The following USP20 variants were observed in gnomAD, a reference collection of about 807,000 sequenced individuals.
The protein encoded by USP20 is ubiquitin carboxyl-terminal hydrolase 20.
Under a neutral mutation model 124.2 loss-of-function variants are expected in USP20, and 80 were observed. The ratio of observed to expected loss-of-function variants is 0.64; its 90% CI spans 0.54 to 0.78. USP20 has a LOEUF of 0.78. USP20 is among the 30% of genes least tolerant of loss of function. The pLI is 0.00. For missense variants in USP20, 1,043 were observed against 1,244.4 expected (o/e 0.84, Z 2.44); for synonymous variants, 481 against 512.3 (o/e 0.94, Z 0.83).
intron 1 of USP20, among the ~76,000 whole-genome samples, chr9:129,840,384 A>T (rs1162470175): frequency 1.3e-5 from 2 of 152,068 alleles, no homozygotes; most frequent in African/African-American, 4.8e-5. Context: ...TGGGTGAACA[A>T]AGCCCTGGGT....
chr9:129,847,146 G>A (rs1244454163), intron 1 of USP20, among the ~76,000 whole-genome samples: 1 of 152,142 alleles, frequency 6.6e-6, no homozygotes, highest in Non-Finnish European at 1.5e-5. Context: ...GCATTTGGGT[G>A]TATACCCAGA....
chr9:129,865,741 T>C (rs2033791396), intron 10 of USP20, among the ~76,000 whole-genome samples: 1 of 152,080 alleles, frequency 6.6e-6, no homozygotes, highest in African/African-American at 2.4e-5. Flanking sequence ...CATGGCTTAC[T>C]GCACCCTCGA....
At chr9:129,852,792 G>A (rs2032997673) in intron 3 of USP20, among the ~76,000 whole-genome samples, 156 bp downstream of exon 3, 2 of 152,144 alleles carry the variant, frequency 1.3e-5, no homozygotes, top group South Asian at 2.1e-4. Context: ...TTGGGAGGCC[G>A]CCTTCCGGAG....
rs772145568 is a variant in USP20 at position 129,870,440 on chromosome 9, T to G, written c.1566-13T>G. Reference sequence around the variant, plus strand: ...GCCCTGGCAGCACCCCTGCACTCCTTTTCTGTCTGTAGGTTTGTGGTATCC... The same window carrying G: ...GCCCTGGCAGCACCCCTGCACTCCTGTTCTGTCTGTAGGTTTGTGGTATCC... On this transcript the variant is annotated splice_polypyrimidine_tract_variant and intron_variant, in intron 14 of 25. Coordinates refer to ENST00000372429, the MANE Select transcript of USP20 (RefSeq NM_001110303.4). The G allele has an allele frequency of 3.7e-6, 6 of 1,613,244 alleles. No homozygotes were observed. In the Admixed American group the frequency reaches 8.3e-5, roughly 22 times the overall value.
intron 22 of USP20, among the ~76,000 whole-genome samples, chr9:129,877,119 C>T (rs2034441896): frequency 6.6e-6 from 1 of 152,196 alleles, no homozygotes; most frequent in African/African-American, 2.4e-5. Flanking sequence ...TCCTGGCGCA[C>T]TCCCTCCCTG....
At chr9:129,855,722 T>A (rs1217614163) in intron 3 of USP20, among the ~76,000 whole-genome samples, 1 of 152,186 alleles carries the variant, frequency 6.6e-6, no homozygotes, top group East Asian at 1.9e-4. Flanking sequence ...TAGCTGTGTG[T>A]TCAGCTAAAA....
Position 129,869,741 on chromosome 9 carries a change from C to A in USP20, c.1462C>A (p.Leu488Ile). 2 of 1,614,120 alleles carry A rather than the reference C, an allele frequency of 1.2e-6. No homozygotes were observed. The highest frequency in any genetic ancestry group is 1.7e-6 in the Non-Finnish European group (2 of 1,180,028). Residue 488 changes from leucine (L) to isoleucine (I), a missense_variant, in exon 14 of 26, where the codon CTC becomes ATC. Physicochemically the swap from Leu to Ile is conservative, Grantham distance 5. Coordinates refer to ENST00000372429, the MANE Select transcript of USP20 (RefSeq NM_001110303.4). ...TCCTGGAAAGGAGGACCTGGCCAAG[C>A]TCCATTCAGCCATCTACCAGAATGT... is the stretch of plus-strand genomic sequence containing the variant. ...PIPGKEDLAK[L>I]HSAIYQNVPA...
rs539603429 is a variant in USP20 at position 129,867,985 on chromosome 9, G to A, written c.691-20G>A. ...CTCCTGCCTCCAGGGGAGCCCTGTT[G>A]ATGCAGCCCCTGGTTCTAGGACACC... On this transcript the variant is annotated intron_variant, in intron 10 of 25. Coordinates refer to ENST00000372429, the MANE Select transcript of USP20 (RefSeq NM_001110303.4). 5.0e-6 allele frequency: 8 copies of A among 1,600,506 alleles called. No homozygotes were observed. Among genetic ancestry groups the A allele is most frequent in the Non-Finnish European group, 6.0e-6 (7 of 1,171,876 alleles).
chr9:129,866,336 A>G (rs1043165234), intron 10 of USP20, among the ~76,000 whole-genome samples: 5 of 152,216 alleles, frequency 3.3e-5, no homozygotes, highest in Non-Finnish European at 7.3e-5. Context: ...GAGTGATAAC[A>G]TGCACAATGA....
At position 129,869,650 on chromosome 9, in the gene USP20, AGACT is replaced by A. The variant is rs747743661; in HGVS notation, c.1393-18_1393-15del. Reference sequence around the variant, plus strand: ...CAGACATTGCCAGAGGATGGGCAGCAGACTGACCTTCAACCCCACAGGTATCCAC... The same window carrying A: ...CAGACATTGCCAGAGGATGGGCAGCAGACCTTCAACCCCACAGGTATCCAC... On this transcript the variant is annotated intron_variant, in intron 13 of 25. Coordinates refer to ENST00000372429, the MANE Select transcript of USP20 (RefSeq NM_001110303.4). The A allele has an allele frequency of 4.3e-6, 7 of 1,612,816 alleles. No individual in the cohort carries two copies. In the East Asian group the frequency reaches 1.6e-4, roughly 36 times the overall value.
rs760415019 is a variant in USP20 at position 129,868,089 on chromosome 9, G to A, written c.775G>A (p.Glu259Lys). The change falls in exon 11 of 26, where the codon GAG becomes AAG. Residue 259 changes from glutamate (E) to lysine (K), a missense_variant. Coordinates refer to ENST00000372429, the MANE Select transcript of USP20 (RefSeq NM_001110303.4). ...EPVVATVALT[E>K]ARDSDSSDTD... Reference sequence around the variant, plus strand: ...GGTGGTGGCCACGGTGGCGCTGACGGAGGCTCGGGACTCAGATTCGAGTGA... The same window carrying A: ...GGTGGTGGCCACGGTGGCGCTGACGAAGGCTCGGGACTCAGATTCGAGTGA... The A allele has an allele frequency of 2.9e-5, 47 of 1,614,176 alleles. 1 individual carries two copies. In the South Asian group the frequency reaches 4.9e-4, roughly 17 times the overall value.
intron 10 of USP20, among the ~76,000 whole-genome samples, chr9:129,866,745 T>A (rs913322): frequency 6.6e-6 from 1 of 151,854 alleles, no homozygotes; most frequent in Non-Finnish European, 1.5e-5. Flanking sequence ...GCCAAAAGAC[T>A]CTTTTGTGCT....
chr9:129,873,083 T>TTTTTC (rs1588284855), intron 15 of USP20, among the ~76,000 whole-genome samples: 2 of 128,690 alleles, frequency 1.6e-5, no homozygotes, highest in East Asian at 4.6e-4. Context: ...TCTTCTTCTT[T>TTTTTC]TTTTTTTTTT....
At position 129,870,447 on chromosome 9, in the gene USP20, C is replaced by A; in HGVS notation, c.1566-6C>A. 1 of 1,613,850 alleles carries A rather than the reference C, an allele frequency of 6.2e-7. No homozygotes were observed. Among genetic ancestry groups the A allele is most frequent in the South Asian group, 1.1e-5 (1 of 91,010 alleles). On this transcript the variant is annotated splice_polypyrimidine_tract_variant and splice_region_variant and intron_variant, in intron 14 of 25. Transcript: ENST00000372429. ...CAGCACCCCTGCACTCCTTTTCTGT[C>A]TGTAGGTTTGTGGTATCCTGTACCC...
At chr9:129,860,827 G>C (rs2033504916) in intron 6 of USP20, 110 bp from the exon 7 acceptor site, 3 of 1,125,526 alleles carry the variant, frequency 2.7e-6, no homozygotes, top group Non-Finnish European at 4.0e-6. Flanking sequence ...GCTCAGCCCA[G>C]TAGGGCCTTC....
At chr9:129,844,272 T>A (rs1009810409) in intron 1 of USP20, among the ~76,000 whole-genome samples, 6 of 152,132 alleles carry the variant, frequency 3.9e-5, no homozygotes, top group Admixed American at 6.6e-5. Flanking sequence ...ACATTAGAAA[T>A]ATATAAACCA....
chr9:129,876,976 T>C (rs1251534111), intron 22 of USP20, among the ~76,000 whole-genome samples: 1 of 152,086 alleles, frequency 6.6e-6, no homozygotes, highest in Non-Finnish European at 1.5e-5. Flanking sequence ...CTCCCTGCCC[T>C]GGGTGAGAAC....
At chr9:129,857,646 A>G (rs2033283476) in intron 4 of USP20, among the ~76,000 whole-genome samples, 1 of 152,166 alleles carries the variant, frequency 6.6e-6, no homozygotes. Flanking sequence ...ATCATCCCCC[A>G]TTAGAAAATG....
intron 22 of USP20, 123 bp downstream of exon 22, chr9:129,876,361 G>A: frequency 1.3e-6 from 1 of 766,010 alleles, no homozygotes; most frequent in Admixed American, 2.2e-5. Context: ...TTTTGAGGCT[G>A]GGCATGGTGG....
Sources: allele counts gnomAD v4.1 joint callset (sites outside exome capture counted in the v4.1 genomes callset), GRCh38; gene constraint gnomAD v4.1.1; transcripts MANE v1.5; gene names NCBI Gene and HGNC (gene_info 2026-07-23, HGNC 2026-07-21).